Variants in ERN2 observed in about 807,000 individuals in gnomAD.
The protein encoded by ERN2 is endoplasmic reticulum to nucleus signaling 2.
A neutral mutation model predicts 107.9 loss-of-function variants in ERN2; 111 were observed. The ratio of observed to expected loss-of-function variants is 1.03; its 90% confidence interval spans 0.88 to 1.20. ERN2 has a LOEUF of 1.20. Ranked by LOEUF, ERN2 falls within the 50% of genes most tolerant of loss-of-function variation. The probability of loss-of-function intolerance (pLI) is 0.00; values close to 1 mark genes in which losing one functional copy is unlikely to be tolerated. For missense variants in ERN2, 1,225 were observed against 1,197.9 expected (o/e 1.02, Z -0.33); for synonymous variants, 524 against 501.7 (o/e 1.04, Z -0.59).
rs886555139 is a variant in ERN2, at chr16:23,706,961, C to T, written c.379+46G>A. 1.9e-6 allele frequency: 3 copies of T among 1,591,396 alleles called. No homozygotes were observed. The African/African-American group carries it at 4.0e-5, about 21-fold the overall frequency. On this transcript the variant is annotated intron_variant, in intron 5 of 21. Coordinates refer to ENST00000256797, the MANE Select transcript of ERN2 (RefSeq NM_033266.4). ...TTAGCCGTCACGACTTAGATCCCTG[C>T]CTCTGCTGGCTGAACCTGGACCCCA... is the stretch of plus-strand genomic sequence containing the variant.
In ERN2 at chr16:23,710,928, A is replaced by G. The variant is rs1258213570; in HGVS notation, c.184T>C (p.Trp62Arg). 5.0e-6 allele frequency: 8 copies of G among 1,613,460 alleles called. No individual in the cohort carries two copies. The highest frequency in any genetic ancestry group is 6.8e-6 in the Non-Finnish European group (8 of 1,179,480). Residue 62 changes from tryptophan (W) to arginine (R), a missense_variant, in exon 2 of 22, where the codon TGG becomes CGG. Physicochemically the swap from Trp to Arg is moderately radical, Grantham distance 101. Transcript: ENST00000256797. The part of the protein sequence containing the change: ...ALSKQTGDLK[W>R]TLRDDPVIEG... ...TCTTGCTCACCATCCCTCAGAGTCC[A>G]CTTCAGGTCCCCTGTCTGCTTGCTT...
At chr16:23,707,388 C>T (rs1271908500) in intron 4 of ERN2, 1 of 378,464 alleles carries the variant, frequency 2.6e-6, no homozygotes, top group Admixed American at 3.9e-5. Context: ...ATGTGAGCCA[C>T]TTGCTCTCGG....
At chr16:23,702,768 G>A in intron 8 of ERN2, 66 bp from the exon 9 acceptor site, 1 of 1,330,638 alleles carries the variant, frequency 7.5e-7, no homozygotes. Flanking sequence ...AGTTATCAAG[G>A]TACTCATGCC....
At chr16:23,694,385 G>T (rs1959716333) in intron 17 of ERN2, among the ~76,000 whole-genome samples, 1 of 152,214 alleles carries the variant, frequency 6.6e-6, no homozygotes, top group Non-Finnish European at 1.5e-5. Flanking sequence ...CCCAACCTCA[G>T]CACAACTGGC....
At position 23,698,123 on chromosome 16, in the gene ERN2, A is replaced by T. The variant is rs762059517; in HGVS notation, c.1526-2145T>A. Reference sequence around the variant, plus strand: ...ATGGACTTTGCTGCTGCTTCTACACAGGTTGGGGAACACTTACAGTCAGTC... The same window carrying T: ...ATGGACTTTGCTGCTGCTTCTACACTGGTTGGGGAACACTTACAGTCAGTC... On this transcript the variant is annotated intron_variant, in intron 13 of 21. Transcript: ENST00000256797. 3.2e-4 allele frequency among the ~76,000 whole-genome samples: 48 copies of T among 152,166 alleles called. 1 individual carries two copies. Among genetic ancestry groups the T allele is most frequent in the Non-Finnish European group, 3.2e-4 (22 of 68,036 alleles).
chr16:23,702,835 A>G, intron 8 of ERN2, 133 bp from the exon 9 acceptor site: 1 of 751,252 alleles, frequency 1.3e-6, no homozygotes, highest in Non-Finnish European at 2.3e-6. Flanking sequence ...GCTTTAATCA[A>G]TTAGACAACA....
intron 17 of ERN2, among the ~76,000 whole-genome samples, chr16:23,693,601 AATATAT>A (rs1555466491): frequency 1.4e-5 from 2 of 147,734 alleles, no homozygotes; most frequent in African/African-American, 5.0e-5. Context: ...AAAAAAAAAA[AATATAT>A]ATATATATAG....
At chr16:23,710,074 A>G (rs34876439) in intron 4 of ERN2, 98 bp downstream of exon 4, 75,322 of 813,606 alleles carry the variant, frequency 0.093, 4,197 homozygotes, top group African/African-American at 0.22. Context: ...TCCTCTGCAG[A>G]ACAGGAGATA....
At position 23,711,136 on chromosome 16, in the gene ERN2, G is replaced by C. The variant is rs540480539; in HGVS notation, c.94-118C>G. ...CCCCAGATGGGGATGCAGCAGGGGA[G>C]GAAGGGTGATTGGGGAACGTGCTGG... On this transcript the variant is annotated intron_variant, in intron 1 of 21. Transcript: ENST00000256797. 5.3e-5 allele frequency: 35 copies of C among 661,302 alleles called. No individual in the cohort carries two copies. In the African/African-American group the frequency reaches 5.3e-4, roughly 10 times the overall value. The allele number at this position is 661,302 out of a possible 1,614,324, so 41.0% of individuals were successfully genotyped here.
intron 4 of ERN2, chr16:23,709,101 A>G (rs1245853294): frequency 2.2e-6 from 1 of 448,398 alleles, no homozygotes; most frequent in Non-Finnish European, 4.4e-6. Context: ...CATATACTTA[A>G]GACTTTTCTA....
In ERN2 at chr16:23,692,337, G is replaced by T; in HGVS notation, c.2101-6C>A. ...AAGATGTCCACAGCGCTGGTCTGGAGCCAGAGAGATGGGCATGAGAAGGAA... is the reference window on the plus strand; with the variant it reads ...AAGATGTCCACAGCGCTGGTCTGGATCCAGAGAGATGGGCATGAGAAGGAA... On this transcript the variant is annotated splice_polypyrimidine_tract_variant and splice_region_variant and intron_variant, in intron 17 of 21. Transcript: ENST00000256797. The T allele has an allele frequency of 6.2e-7, 1 of 1,611,684 alleles. No homozygotes were observed.
chr16:23,710,005 C>T, intron 4 of ERN2, 167 bp downstream of exon 4: 1 of 602,456 alleles, frequency 1.7e-6, no homozygotes. Context: ...CTCCCCTTAC[C>T]ACCCTTTCAA....
chr16:23,711,054 G>A, intron 1 of ERN2, 36 bp from the exon 2 acceptor site: 1 of 1,480,334 alleles, frequency 6.8e-7, no homozygotes, highest in Non-Finnish European at 9.4e-7. Flanking sequence ...GCTCTCTGAG[G>A]GGTCTGGGAC....
At chr16:23,709,037 G>A in intron 4 of ERN2, 1 of 378,356 alleles carries the variant, frequency 2.6e-6, no homozygotes, top group Admixed American at 3.2e-5. Flanking sequence ...GTTTGCAGCT[G>A]AGACCTTGCC....
At chr16:23,695,616 G>C (rs1959782887) in intron 14 of ERN2, among the ~76,000 whole-genome samples, 1 of 150,718 alleles carries the variant, frequency 6.6e-6, no homozygotes, top group Admixed American at 6.7e-5. Flanking sequence ...TGTAATCCCA[G>C]CTACTGGGAA....
intron 11 of ERN2, among the ~76,000 whole-genome samples, 168 bp from the exon 12 acceptor site, chr16:23,701,282 A>G (rs1960055066): frequency 6.6e-6 from 1 of 152,204 alleles, no homozygotes; most frequent in Admixed American, 6.5e-5. Context: ...TGTTGCCCAG[A>G]AGAACGGTTT....
chr16:23,706,412 A>AT lies in ERN2; in HGVS notation c.506dup (p.His169GlnfsTer2). On this transcript the variant is annotated frameshift_variant, in exon 7 of 22. Coordinates refer to ENST00000256797, the MANE Select transcript of ERN2 (RefSeq NM_033266.4). LOFTEE classifies it high-confidence loss of function. ...AGCGCAGGGCTGGGGCTCTTGGGTCATGCATGGTGACCGTATACTCTGGGG... is the reference window on the plus strand; with the variant it reads ...AGCGCAGGGCTGGGGCTCTTGGGTCATTGCATGGTGACCGTATACTCTGGGG... 2 of 1,572,712 alleles carry AT rather than the reference A, an allele frequency of 1.3e-6. No homozygotes were observed. The highest frequency in any genetic ancestry group is 1.7e-6 in the Non-Finnish European group (2 of 1,158,210).
chr16:23,700,955 C>A lies in ERN2; in HGVS notation c.1359+4G>T. The A allele has an allele frequency of 6.2e-7, 1 of 1,613,464 alleles. No individual in the cohort carries two copies. ...TAGACCTGAGGTCAGGGCGGTGGGCCTACCTGCCTCATCACAAAGAGAATC... is the reference window on the plus strand; with the variant it reads ...TAGACCTGAGGTCAGGGCGGTGGGCATACCTGCCTCATCACAAAGAGAATC... On this transcript the variant is annotated splice_donor_region_variant and intron_variant, in intron 12 of 21. Transcript: ENST00000256797.
chr16:23,705,844 T>A (rs912311045), intron 7 of ERN2, among the ~76,000 whole-genome samples: 20 of 151,818 alleles, frequency 1.3e-4, no homozygotes, highest in Non-Finnish European at 7.4e-5. Context: ...AGCCCAGGAG[T>A]TGGAGGCTAC....
Sources: gnomAD v4.1 joint callset for allele counts (sites outside exome capture counted in the v4.1 genomes callset) on GRCh38, gnomAD v4.1.1 for gene constraint, MANE v1.5 for transcripts, NCBI Gene and HGNC (gene_info 2026-07-23, HGNC 2026-07-21) for gene names.